CDH4: variants seen among roughly 807,000 people sequenced by gnomAD.
CDH4 encodes cadherin 4.
A neutral mutation model predicts 86.0 loss-of-function variants in CDH4; 33 were observed. The observed-to-expected ratio is 0.38, with a 90% CI of 0.29 to 0.51. The LOEUF (loss-of-function observed/expected upper bound fraction) is 0.51, where lower values mean the gene tolerates loss of function less well. CDH4 is among the 20% of genes least tolerant of loss of function. CDH4 has a pLI of 0.86. For missense variants in CDH4, 1,114 were observed against 1,307.4 expected (o/e 0.85, Z 2.28); for synonymous variants, 555 against 549.4 (o/e 1.01, Z -0.14).
chr20:61,642,097 G>A (rs2145803187), intron 2 of CDH4, among the ~76,000 whole-genome samples: 1 of 152,308 alleles, frequency 6.6e-6, no homozygotes, highest in Middle Eastern at 3.4e-3. Flanking sequence ...ACAGCACCCA[G>A]GACCACGTGA....
intron 2 of CDH4, among the ~76,000 whole-genome samples, chr20:61,459,395 C>T (rs551690022): frequency 4.0e-5 from 6 of 151,870 alleles, no homozygotes; most frequent in African/African-American, 7.2e-5. Flanking sequence ...ACCCCAACCC[C>T]GGGGTTCCCA....
At chr20:61,293,581 C>A (rs1226804846) in intron 2 of CDH4, among the ~76,000 whole-genome samples, 2 of 152,208 alleles carry the variant, frequency 1.3e-5, no homozygotes, top group East Asian at 3.9e-4. Context: ...TTGCATGTGT[C>A]CCCATCAGCG....
chr20:61,560,296 A>G (rs1188279042), intron 2 of CDH4, among the ~76,000 whole-genome samples: 1 of 152,178 alleles, frequency 6.6e-6, no homozygotes, highest in African/African-American at 2.4e-5. Context: ...GTACATGTGC[A>G]GGTTTGTTTA....
chr20:61,472,958 A>G (rs1039316765), intron 2 of CDH4, among the ~76,000 whole-genome samples: 9 of 152,108 alleles, frequency 5.9e-5, no homozygotes, highest in Non-Finnish European at 1.0e-4. Context: ...AAAAACTGTT[A>G]TATGAAGTTG....
At chr20:61,895,110 C>A in intron 8 of CDH4, 63 bp downstream of exon 8, 2 of 1,563,112 alleles carry the variant, frequency 1.3e-6, no homozygotes, top group Non-Finnish European at 1.7e-6. Flanking sequence ...CACTGGCGTG[C>A]GGCACAGCCT....
chr20:61,761,442 C>A (rs1300872929), intron 3 of CDH4, among the ~76,000 whole-genome samples: 1 of 152,204 alleles, frequency 6.6e-6, no homozygotes, highest in African/African-American at 2.4e-5. Flanking sequence ...CCACGGCAGA[C>A]TCCTATGCAA....
In CDH4 at chr20:61,377,905, C is replaced by T. The variant is rs888681333; in HGVS notation, c.169+122968C>T. 6.6e-6 allele frequency among the ~76,000 whole-genome samples: 1 copy of T among 152,170 alleles called. No individual in the cohort carries two copies. The highest frequency in any genetic ancestry group is 1.5e-5 in the Non-Finnish European group (1 of 68,040). Reference sequence around the variant, plus strand: ...TTAGCTCACACATCCCTTCATGTGCCGTGATGTTGACTCACGTGATCTGGA... The same window carrying T: ...TTAGCTCACACATCCCTTCATGTGCTGTGATGTTGACTCACGTGATCTGGA... On this transcript the variant is annotated intron_variant, in intron 2 of 15. Coordinates refer to ENST00000614565, the MANE Select transcript of CDH4 (RefSeq NM_001794.5). The surrounding 1 kb of genome is among the most constrained non-coding windows in gnomAD (Gnocchi z 4.0).
chr20:61,410,873 T>C (rs1200675412), intron 2 of CDH4, among the ~76,000 whole-genome samples: 1 of 151,242 alleles, frequency 6.6e-6, no homozygotes, highest in African/African-American at 2.4e-5. Flanking sequence ...ATCTATCCTC[T>C]CACCTGTTAG....
Position 61,393,475 on chromosome 20 carries a change from C to T in CDH4, c.169+138538C>T, listed in dbSNP as rs544498597. On this transcript the variant is annotated intron_variant, in intron 2 of 15. Coordinates refer to ENST00000614565, the MANE Select transcript of CDH4 (RefSeq NM_001794.5). The surrounding 1 kb of genome is among the most constrained non-coding windows in gnomAD (Gnocchi z 4.3). ...CTTTGATCGCTGGCAGTAAGCGACA[C>T]GCTGAACCACAACTTTCTTTCCAGA... Among the ~76,000 whole-genome samples, 6 of 152,284 alleles carry T rather than the reference C, an allele frequency of 3.9e-5. No homozygotes were observed. The highest frequency in any genetic ancestry group is 9.6e-5 in the African/African-American group (4 of 41,572).
rs531040803 is a variant in CDH4, at chr20:61,609,384, C to T, written c.170-134179C>T. On this transcript the variant is annotated intron_variant, in intron 2 of 15. Transcript: ENST00000614565. ...GTGATTTTGCGACAAGCACTGGCCT[C>T]GTGCAATGCAGCGGCCTCTGTCCAG... Among the ~76,000 whole-genome samples the T allele has an allele frequency of 2.0e-5, 3 of 152,318 alleles. No individual in the cohort carries two copies. The South Asian group carries it at 6.2e-4, about 32-fold the overall frequency.
chr20:61,692,271 GTCTT>G (rs1223655899), intron 2 of CDH4, among the ~76,000 whole-genome samples: 1 of 151,518 alleles, frequency 6.6e-6, no homozygotes, highest in Non-Finnish European at 1.5e-5. Flanking sequence ...CTGTATGTGT[GTCTT>G]TGTGTGTGTG....
At position 61,635,924 on chromosome 20, in the gene CDH4, G is replaced by A. The variant is rs185485583; in HGVS notation, c.170-107639G>A. On this transcript the variant is annotated intron_variant, in intron 2 of 15. Coordinates refer to ENST00000614565, the MANE Select transcript of CDH4 (RefSeq NM_001794.5). Reference sequence around the variant, plus strand: ...GGAAAATGACTTAGTGGCAGTGGGGGCTTCCCGCAGTCTTCCAGGGAGGGG... The same window carrying A: ...GGAAAATGACTTAGTGGCAGTGGGGACTTCCCGCAGTCTTCCAGGGAGGGG... Among the ~76,000 whole-genome samples the A allele has an allele frequency of 2.3e-3, 353 of 152,344 alleles. 1 individual carries two copies. The highest frequency in any genetic ancestry group is 7.9e-3 in the African/African-American group (327 of 41,578).
At position 61,879,269 on chromosome 20, in the gene CDH4, G is replaced by GCACACAT. The variant is rs1375271487; in HGVS notation, c.1050+5371_1050+5377dup. On this transcript the variant is annotated intron_variant, in intron 7 of 15. Coordinates refer to ENST00000614565, the MANE Select transcript of CDH4 (RefSeq NM_001794.5). This position sits in a 1 kb window ranked among gnomAD's most constrained non-coding sequence, Gnocchi z 4.1. ...GTCTGGCTTGGCGTATCAGAGAAGA[G>GCACACAT]CACACATCGGGACCATTTCTCCACC... is the stretch of plus-strand genomic sequence containing the variant. Among the ~76,000 whole-genome samples the GCACACAT allele has an allele frequency of 3.9e-5, 6 of 152,360 alleles. No individual in the cohort carries two copies. The East Asian group carries it at 9.7e-4, about 25-fold the overall frequency.
chr20:61,416,350 T>C lies in CDH4; in HGVS notation c.169+161413T>C, dbSNP rs1185682024. Among the ~76,000 whole-genome samples, 6 of 152,312 alleles carry C rather than the reference T, an allele frequency of 3.9e-5. No individual in the cohort carries two copies. The East Asian group carries it at 1.2e-3, about 29-fold the overall frequency. On this transcript the variant is annotated intron_variant, in intron 2 of 15. Transcript: ENST00000614565. ...ACATTCCATCATAGGGTAGACCACA[T>C]TCTGTTTATCCCCTCATTCACGAGT...
intron 7 of CDH4, among the ~76,000 whole-genome samples, chr20:61,890,337 GTGAA>G (rs1382373573): frequency 2.0e-5 from 3 of 151,216 alleles, no homozygotes; most frequent in Non-Finnish European, 4.4e-5. Context: ...GGATGGGTGA[GTGAA>G]TGGATGTATG....
chr20:61,732,960 G>T (rs369196378), intron 2 of CDH4, among the ~76,000 whole-genome samples: 11 of 152,164 alleles, frequency 7.2e-5, no homozygotes, highest in African/African-American at 2.7e-4. Flanking sequence ...TTCAGCACCG[G>T]CTAGAGTGAC....
intron 2 of CDH4, among the ~76,000 whole-genome samples, chr20:61,498,123 G>C (rs1437906521): frequency 6.6e-6 from 1 of 151,564 alleles, no homozygotes; most frequent in Non-Finnish European, 1.5e-5. Context: ...GAGTTAATGG[G>C]TGCAGCACAC....
intron 4 of CDH4, among the ~76,000 whole-genome samples, chr20:61,785,705 G>T (rs936800901): frequency 2.0e-5 from 3 of 151,996 alleles, no homozygotes; most frequent in African/African-American, 4.8e-5. Context: ...TAGAGACCTT[G>T]CCCAGGTGGA....
rs567351774 is a variant in CDH4 at position 61,930,739 on chromosome 20, G to T, written c.2239+897G>T. Among the ~76,000 whole-genome samples the T allele has an allele frequency of 4.6e-5, 7 of 152,326 alleles. No homozygotes were observed. In the South Asian group the frequency reaches 1.5e-3, roughly 32 times the overall value. On this transcript the variant is annotated intron_variant, in intron 13 of 15. Coordinates refer to ENST00000614565, the MANE Select transcript of CDH4 (RefSeq NM_001794.5). Reference sequence around the variant, plus strand: ...TTGAAAAGCCGGTTTTCATTTCTGAGGCTTGTTTTGAAAGCCGTTCAGTGT... The same window carrying T: ...TTGAAAAGCCGGTTTTCATTTCTGATGCTTGTTTTGAAAGCCGTTCAGTGT...
Sources: gnomAD v4.1 joint callset for allele counts (sites outside exome capture counted in the v4.1 genomes callset) on GRCh38, gnomAD v4.1.1 for gene constraint, Gnocchi (gnomAD v3.1) non-coding constraint, MANE v1.5 for transcripts, NCBI Gene and HGNC (gene_info 2026-07-23, HGNC 2026-07-21) for gene names.